The following PLEKHA6 variants were observed in gnomAD, a reference collection of about 807,000 sequenced individuals.
PLEKHA6 encodes pleckstrin homology domain containing A6.
PLEKHA6 carries 60 observed loss-of-function variants against 116.7 expected under a neutral mutation model. The ratio of observed to expected loss-of-function variants is 0.51; its 90% CI spans 0.42 to 0.64. PLEKHA6 has a LOEUF of 0.64. PLEKHA6 is among the 30% of genes least tolerant of loss of function. The pLI is 0.00. For synonymous variants in PLEKHA6, 489 were observed against 556.1 expected, an observed-to-expected ratio of 0.88 and a Z score of 1.70; for missense variants, 1,338 against 1,422.7, an observed-to-expected ratio of 0.94 and a Z score of 0.96.
intron 17 of PLEKHA6, among the ~76,000 whole-genome samples, chr1:204,239,114 C>T: frequency 6.6e-6 from 1 of 152,190 alleles, no homozygotes; most frequent in East Asian, 1.9e-4. Flanking sequence ...AAAGGGTGAC[C>T]TCAGCAGAGA....
chr1:204,284,778 G>A (rs1015249956), intron 1 of PLEKHA6, among the ~76,000 whole-genome samples: 1 of 152,110 alleles, frequency 6.6e-6, no homozygotes. Flanking sequence ...CAGGAGTCTT[G>A]GTAACTGACC....
At chr1:204,251,574 C>A (rs779093314) in intron 9 of PLEKHA6, 15 of 702,834 alleles carry the variant, frequency 2.1e-5, no homozygotes, top group African/African-American at 8.7e-5. Flanking sequence ...TTCCACCATG[C>A]GGTTCACCAT....
At chr1:204,341,297 G>A (rs1184061978) in intron 1 of PLEKHA6, among the ~76,000 whole-genome samples, 1 of 152,142 alleles carries the variant, frequency 6.6e-6, no homozygotes. Context: ...TCAAAATACT[G>A]GTGTTGGGTA....
At chr1:204,366,365 G>T (rs1017524893) in intron 3 of PLEKHA6, among the ~76,000 whole-genome samples, 5 of 151,964 alleles carry the variant, frequency 3.3e-5, no homozygotes, top group Non-Finnish European at 5.9e-5. Context: ...AGGAGGAAGA[G>T]CAGGAAGAAG....
At chr1:204,315,495 T>A (rs1451231082) in intron 1 of PLEKHA6, among the ~76,000 whole-genome samples, 1 of 152,090 alleles carries the variant, frequency 6.6e-6, no homozygotes, top group African/African-American at 2.4e-5. Context: ...GCCTGTTAAA[T>A]CCAAATCTCC....
At chr1:204,360,095 G>A (rs1013424091), upstream of PLEKHA6, among the ~76,000 whole-genome samples, 4 of 152,266 alleles carry the variant, frequency 2.6e-5, no homozygotes, top group East Asian at 1.9e-4. Context: ...CTGCCTGCCC[G>A]GGAGAGGATG....
At chr1:204,335,437 A>G (rs999430314) in intron 1 of PLEKHA6, among the ~76,000 whole-genome samples, 8 of 152,006 alleles carry the variant, frequency 5.3e-5, no homozygotes, top group Non-Finnish European at 1.0e-4. Flanking sequence ...CCCCTCCTGG[A>G]GTAGGGGACA....
At chr1:204,306,702 C>A (rs563650476) in intron 1 of PLEKHA6, among the ~76,000 whole-genome samples, 1 of 152,202 alleles carries the variant, frequency 6.6e-6, no homozygotes, top group Non-Finnish European at 1.5e-5. Flanking sequence ...ATACCGGGGA[C>A]TCCAAAATGG....
intron 1 of PLEKHA6, among the ~76,000 whole-genome samples, chr1:204,332,327 C>G (rs1449854821): frequency 6.6e-6 from 1 of 152,178 alleles, no homozygotes; most frequent in Non-Finnish European, 1.5e-5. Context: ...CTGAGGTTAC[C>G]TCTGAATCAA....
intron 5 of PLEKHA6, among the ~76,000 whole-genome samples, chr1:204,265,540 CA>C (rs1558101311): frequency 6.6e-6 from 1 of 152,172 alleles, no homozygotes; most frequent in Non-Finnish European, 1.5e-5. Flanking sequence ...TCTTCAAACA[CA>C]AAAACTGAAC....
At chr1:204,359,476 C>G (rs1673508064) in intron 1 of PLEKHA6, 1 of 296,710 alleles carries the variant, frequency 3.4e-6, no homozygotes, top group East Asian at 1.7e-4. Flanking sequence ...TGACAGGGGA[C>G]TCTGGAGGTG....
intron 1 of PLEKHA6, among the ~76,000 whole-genome samples, chr1:204,296,525 C>A (rs1214857752): frequency 6.6e-6 from 1 of 152,198 alleles, no homozygotes; most frequent in Non-Finnish European, 1.5e-5. Flanking sequence ...GTAGCCCCAC[C>A]TTCCCCAAAG....
At chr1:204,361,440 T>C (rs534590713), upstream of PLEKHA6, among the ~76,000 whole-genome samples, 88 of 152,088 alleles carry the variant, frequency 5.8e-4, no homozygotes, top group Admixed American at 1.2e-3. Context: ...CACCACAGCA[T>C]TGGAGGAAGA....
chr1:204,308,463 T>C (rs1490872715), intron 1 of PLEKHA6, among the ~76,000 whole-genome samples: 1 of 151,972 alleles, frequency 6.6e-6, no homozygotes, highest in Non-Finnish European at 1.5e-5. Context: ...TTAATACAAC[T>C]AGATACTCAC....
rs146649902 is a variant in PLEKHA6 at position 204,319,912 on chromosome 1, G to T, written c.-95+39782C>A. Among the ~76,000 whole-genome samples, 651 of 152,148 alleles carry T rather than the reference G, an allele frequency of 4.3e-3. 4 individuals are homozygous for T. The highest frequency in any genetic ancestry group is 0.015 in the African/African-American group (622 of 41,502). On this transcript the variant is annotated intron_variant, in intron 1 of 22. Coordinates refer to ENST00000272203, the MANE Select transcript of PLEKHA6 (RefSeq NM_014935.5). ...GGGTGAGTGGGTACCAGGAGCTCATGGTCATCTCAAACCAGTTCAATGGAA... is the reference window on the plus strand; with the variant it reads ...GGGTGAGTGGGTACCAGGAGCTCATTGTCATCTCAAACCAGTTCAATGGAA...
chr1:204,335,256 C>G (rs1354517647), intron 1 of PLEKHA6, among the ~76,000 whole-genome samples: 1 of 152,098 alleles, frequency 6.6e-6, no homozygotes, highest in African/African-American at 2.4e-5. Context: ...CTCTCCCATT[C>G]CCCACCAATC....
Position 204,340,026 on chromosome 1 carries a change from C to A in PLEKHA6, c.-95+19668G>T, listed in dbSNP as rs114720312. The stretch of plus-strand genomic sequence containing the variant: ...TAACATTTGCTTACCCATTTTTAGG[C>A]AAAGTTAATTAAGCATTACTTTTTT... On this transcript the variant is annotated intron_variant, in intron 1 of 22. Transcript: ENST00000272203. 4.9e-3 allele frequency among the ~76,000 whole-genome samples: 741 copies of A among 152,254 alleles called. 3 individuals carry two copies. Among genetic ancestry groups the A allele is most frequent in the Middle Eastern group, 0.034 (10 of 294 alleles).
chr1:204,366,004 G>C (rs959779647), intron 3 of PLEKHA6, among the ~76,000 whole-genome samples: 1 of 152,226 alleles, frequency 6.6e-6, no homozygotes, highest in African/African-American at 2.4e-5. Flanking sequence ...AGGGGGAACA[G>C]CAAGCGCCAA....
chr1:204,327,642 G>A lies in PLEKHA6; in HGVS notation c.-95+32052C>T, dbSNP rs148032283. On this transcript the variant is annotated intron_variant, in intron 1 of 22. Coordinates refer to ENST00000272203, the MANE Select transcript of PLEKHA6 (RefSeq NM_014935.5). The stretch of plus-strand genomic sequence containing the variant: ...CTCTGATCTGCATGGGCAGATGGGC[G>A]AGCGCTGTGCCAGGCCCCAGGGGAC... 1.7e-3 allele frequency among the ~76,000 whole-genome samples: 265 copies of A among 152,316 alleles called. 1 individual carries two copies. The highest frequency in any genetic ancestry group is 6.0e-3 in the African/African-American group (251 of 41,572).
Sources: gnomAD v4.1 joint callset for allele counts (sites outside exome capture counted in the v4.1 genomes callset) on GRCh38, gnomAD v4.1.1 for gene constraint, MANE v1.5 for transcripts, NCBI Gene and HGNC (gene_info 2026-07-23, HGNC 2026-07-21) for gene names.